EPHA6: variants seen among roughly 807,000 people sequenced by gnomAD.
EPHA6 encodes the protein EPH receptor A6, also known as ephrin type-A receptor 6.
EPHA6 carries 50 observed loss-of-function variants against 112.0 expected under a neutral mutation model. The observed-to-expected ratio is 0.45, with a 90% CI of 0.36 to 0.56. The LOEUF is 0.56. EPHA6 is among the 20% of genes least tolerant of loss of function. The pLI, the probability that EPHA6 is intolerant of heterozygous loss-of-function variation, is 0.00. For synonymous variants in EPHA6, 529 were observed against 490.7 expected, an observed-to-expected ratio of 1.08 and a Z score of -1.03; for missense variants, 1,280 against 1,417.4, an observed-to-expected ratio of 0.90 and a Z score of 1.56.
intron 12 of EPHA6, among the ~76,000 whole-genome samples, chr3:97,604,522 C>T (rs1023185408): frequency 6.6e-6 from 1 of 151,570 alleles, no homozygotes; most frequent in Non-Finnish European, 1.5e-5. Context: ...CTTTTTGTGA[C>T]ATAGTGTGCA....
intron 3 of EPHA6, among the ~76,000 whole-genome samples, chr3:97,066,549 C>T (rs1442426939): frequency 6.6e-6 from 1 of 152,006 alleles, no homozygotes; most frequent in Non-Finnish European, 1.5e-5. Flanking sequence ...GGAGACATAC[C>T]AGTGTTCCAA....
At chr3:96,932,429 C>T (rs2040372335) in intron 2 of EPHA6, among the ~76,000 whole-genome samples, 1 of 151,964 alleles carries the variant, frequency 6.6e-6, no homozygotes, top group African/African-American at 2.4e-5. Flanking sequence ...TTACCTTTTA[C>T]ATTTACTTTA....
At chr3:97,454,084 A>G (rs963762549) in intron 7 of EPHA6, among the ~76,000 whole-genome samples, 2 of 151,780 alleles carry the variant, frequency 1.3e-5, no homozygotes, top group African/African-American at 4.8e-5. Context: ...CTGTATCTTC[A>G]TCATATCTAA....
At chr3:96,924,601 C>A (rs184108203) in intron 2 of EPHA6, among the ~76,000 whole-genome samples, 1 of 151,834 alleles carries the variant, frequency 6.6e-6, no homozygotes, top group Admixed American at 6.6e-5. Context: ...AAAGATAGTT[C>A]GACTTCCTCT....
In EPHA6 at chr3:97,752,206, A is replaced by G. The variant is rs946534684; in HGVS notation, c.*3505A>G. 5 of 222,464 alleles carry G rather than the reference A, an allele frequency of 2.2e-5. No individual in the cohort carries two copies. The highest frequency in any genetic ancestry group is 1.2e-4 in the Admixed American group (2 of 17,386). The allele number at this position is 222,464 out of a possible 1,614,324, so 13.8% of individuals were successfully genotyped here. ...CCTTCCAGCAACAGCTTTAAAACCTATCTCAGCCCATGAATGGAAAACAAA... is the reference window on the plus strand; with the variant it reads ...CCTTCCAGCAACAGCTTTAAAACCTGTCTCAGCCCATGAATGGAAAACAAA... On this transcript the variant is annotated 3_prime_UTR_variant, in exon 18 of 18. Transcript: ENST00000389672.
chr3:97,408,726 G>C (rs945731036), intron 6 of EPHA6, among the ~76,000 whole-genome samples: 1 of 151,766 alleles, frequency 6.6e-6, no homozygotes, highest in Admixed American at 6.6e-5. Flanking sequence ...TTTCATAAGG[G>C]CAATAATTCC....
chr3:97,072,233 G>T (rs145612568), intron 3 of EPHA6, among the ~76,000 whole-genome samples: 1 of 152,212 alleles, frequency 6.6e-6, no homozygotes, highest in East Asian at 1.9e-4. Context: ...AATGGCATTT[G>T]AAATCCTCAT....
At chr3:97,181,698 T>C (rs1353734478) in intron 3 of EPHA6, among the ~76,000 whole-genome samples, 1 of 152,134 alleles carries the variant, frequency 6.6e-6, no homozygotes, top group Non-Finnish European at 1.5e-5. Context: ...TTTATAATTA[T>C]TAGAGGATTT....
chr3:97,467,397 C>T (rs927332140), intron 7 of EPHA6, among the ~76,000 whole-genome samples: 1 of 151,740 alleles, frequency 6.6e-6, no homozygotes, highest in Non-Finnish European at 1.5e-5. Context: ...TTATCCATTT[C>T]ATTACAAAGC....
At chr3:97,734,628 C>T (rs577994825) in intron 15 of EPHA6, among the ~76,000 whole-genome samples, 1 of 152,028 alleles carries the variant, frequency 6.6e-6, no homozygotes, top group African/African-American at 2.4e-5. Context: ...TACAAACAGC[C>T]TCTAACATAA....
chr3:96,861,437 A>G (rs972477915), intron 1 of EPHA6, among the ~76,000 whole-genome samples: 4 of 151,796 alleles, frequency 2.6e-5, no homozygotes, highest in African/African-American at 9.7e-5. Flanking sequence ...TTATTTTTAT[A>G]CCTTATTTTA....
chr3:97,010,029 G>A (rs1190099551), intron 3 of EPHA6: 1 of 1,263,028 alleles, frequency 7.9e-7, no homozygotes, highest in Admixed American at 2.3e-5. Context: ...GCTGCTTCTA[G>A]TTGGCCATCT....
chr3:97,736,299 G>A (rs1459098741), intron 16 of EPHA6, among the ~76,000 whole-genome samples, 181 bp downstream of exon 16: 1 of 151,544 alleles, frequency 6.6e-6, no homozygotes, highest in Non-Finnish European at 1.5e-5. Context: ...AAGTAAAAAT[G>A]GACTCTTTTA....
At chr3:97,307,413 G>A (rs2081365576) in intron 5 of EPHA6, among the ~76,000 whole-genome samples, 1 of 151,832 alleles carries the variant, frequency 6.6e-6, no homozygotes, top group South Asian at 2.1e-4. Context: ...TTAACTATGA[G>A]GAAGATGATG....
intron 13 of EPHA6, among the ~76,000 whole-genome samples, chr3:97,636,488 T>G (rs573188476): frequency 6.6e-6 from 1 of 152,242 alleles, no homozygotes; most frequent in South Asian, 2.1e-4. Flanking sequence ...TAAATGGATA[T>G]TCTTGCTCTA....
At chr3:97,481,777 A>G (rs2091560954) in intron 9 of EPHA6, among the ~76,000 whole-genome samples, 1 of 150,714 alleles carries the variant, frequency 6.6e-6, no homozygotes, top group East Asian at 2.0e-4. Context: ...GATATCTGGC[A>G]TGGGATAACA....
intron 3 of EPHA6, among the ~76,000 whole-genome samples, chr3:97,213,601 C>A (rs563693420): frequency 7.9e-4 from 121 of 152,210 alleles, no homozygotes; most frequent in Non-Finnish European, 1.5e-3. Context: ...TCATTCAGGG[C>A]AGGAGAGGGT....
intron 5 of EPHA6, among the ~76,000 whole-genome samples, chr3:97,271,103 T>C (rs1333388266): frequency 1.3e-5 from 2 of 152,232 alleles, no homozygotes; most frequent in Non-Finnish European, 2.9e-5. Flanking sequence ...ACTAATATAA[T>C]TTATATCCAA....
chr3:97,714,832 A>T (rs1247912729), intron 14 of EPHA6, among the ~76,000 whole-genome samples: 1 of 152,234 alleles, frequency 6.6e-6, no homozygotes, highest in Non-Finnish European at 1.5e-5. Flanking sequence ...TCCCACCAAC[A>T]AGAAATTATA....
Sources: gnomAD v4.1 joint callset for allele counts (sites outside exome capture counted in the v4.1 genomes callset) on GRCh38, gnomAD v4.1.1 for gene constraint, MANE v1.5 for transcripts, NCBI Gene and HGNC (gene_info 2026-07-23, HGNC 2026-07-21) for gene names.